The following PPP3CA variants were observed in gnomAD, a reference collection of about 807,000 sequenced individuals.
The protein encoded by PPP3CA is CAM-PRP catalytic subunit.
PPP3CA carries 14 observed loss-of-function variants against 66.5 expected under a neutral mutation model. The observed-to-expected ratio is 0.21, with a 90% confidence interval of 0.14 to 0.33. The LOEUF (loss-of-function observed/expected upper bound fraction) is 0.33, where lower values mean the gene tolerates loss of function less well. PPP3CA is among the 10% of genes least tolerant of loss of function. PPP3CA has a pLI of 1.00. For synonymous variants in PPP3CA, 232 were observed against 226.2 expected (o/e 1.03, Z -0.23); for missense variants, 317 against 639.5 (o/e 0.50, Z 5.44).
rs551923846 is a variant in PPP3CA, at chr4:101,063,166, G to A, written c.1081+66C>T. 1.1e-3 allele frequency: 1,777 copies of A among 1,547,322 alleles called. 32 individuals are homozygous for A. In the South Asian group the frequency reaches 0.021, roughly 18 times the overall value. On this transcript the variant is annotated intron_variant, in intron 9 of 13. Coordinates refer to ENST00000394854, the MANE Select transcript of PPP3CA (RefSeq NM_000944.5). ...GGCCAAAGTTCTTCTCTTTCTGAGT[G>A]TTTAATCTCCTTTCCTTCCTTCCTA...
chr4:101,271,540 CAAAT>C (rs1727336614), intron 1 of PPP3CA, among the ~76,000 whole-genome samples: 1 of 152,104 alleles, frequency 6.6e-6, no homozygotes, highest in Non-Finnish European at 1.5e-5. Context: ...GAATAAAACA[CAAAT>C]AAAAAAGCAT....
intron 1 of PPP3CA, among the ~76,000 whole-genome samples, chr4:101,252,829 T>C (rs757335168): frequency 3.3e-5 from 5 of 152,148 alleles, no homozygotes; most frequent in Non-Finnish European, 7.4e-5. Context: ...TCTTATTTGA[T>C]AGACGGTTGC....
At chr4:101,230,860 C>G (rs1725938996) in intron 1 of PPP3CA, among the ~76,000 whole-genome samples, 1 of 151,770 alleles carries the variant, frequency 6.6e-6, no homozygotes, top group African/African-American at 2.4e-5. Context: ...TCTACTTTTC[C>G]TGAATACATC....
chr4:101,291,258 A>G (rs1369390435), intron 1 of PPP3CA, among the ~76,000 whole-genome samples: 4 of 152,220 alleles, frequency 2.6e-5, no homozygotes, highest in Non-Finnish European at 4.4e-5. Flanking sequence ...CTTTGGGGCC[A>G]ATTCTTCATT....
chr4:101,268,932 G>GC (rs1418013384), intron 1 of PPP3CA, among the ~76,000 whole-genome samples: 1 of 152,076 alleles, frequency 6.6e-6, no homozygotes, highest in African/African-American at 2.4e-5. Context: ...AATATCAGCT[G>GC]CCCAAAGTTT....
chr4:101,064,176 G>A (rs2110227306), intron 8 of PPP3CA, among the ~76,000 whole-genome samples: 1 of 151,992 alleles, frequency 6.6e-6, no homozygotes, highest in East Asian at 1.9e-4. Context: ...AGACAAATCT[G>A]CATGCTTCAT....
intron 10 of PPP3CA, among the ~76,000 whole-genome samples, chr4:101,053,890 G>A (rs1728116173): frequency 6.6e-6 from 1 of 151,928 alleles, no homozygotes; most frequent in South Asian, 2.1e-4. Context: ...TCTTGTCACT[G>A]CAACTTCAAG....
chr4:101,211,681 T>A (rs1725303906), intron 1 of PPP3CA, among the ~76,000 whole-genome samples: 1 of 152,156 alleles, frequency 6.6e-6, no homozygotes, highest in South Asian at 2.1e-4. Flanking sequence ...GAGCTTGGGT[T>A]CTACACAAAA....
chr4:101,253,941 C>T (rs945606389), intron 1 of PPP3CA, among the ~76,000 whole-genome samples: 3 of 152,028 alleles, frequency 2.0e-5, no homozygotes, highest in Non-Finnish European at 2.9e-5. Flanking sequence ...CAGGAAGTCA[C>T]TTGAACTCTG....
chr4:101,032,778 C>A (rs904868452), intron 11 of PPP3CA, among the ~76,000 whole-genome samples: 2 of 151,294 alleles, frequency 1.3e-5, no homozygotes, highest in African/African-American at 4.9e-5. Context: ...TTTGATTTGA[C>A]GGAATAAAAA....
chr4:101,084,660 A>C (rs1399953330), intron 6 of PPP3CA, among the ~76,000 whole-genome samples: 1 of 152,092 alleles, frequency 6.6e-6, no homozygotes, highest in Non-Finnish European at 1.5e-5. Flanking sequence ...AAAAAAAGAA[A>C]GATAACATAC....
intron 11 of PPP3CA, among the ~76,000 whole-genome samples, chr4:101,035,973 G>A (rs571722912): frequency 3.9e-5 from 6 of 151,986 alleles, no homozygotes; most frequent in Non-Finnish European, 7.4e-5. Flanking sequence ...CTCCAGATCC[G>A]TGCTTTCTAA....
chr4:101,279,335 G>A (rs1363203582), intron 1 of PPP3CA, among the ~76,000 whole-genome samples: 1 of 152,104 alleles, frequency 6.6e-6, no homozygotes, highest in Admixed American at 6.5e-5. Flanking sequence ...AGGATCTAAG[G>A]AATGACATTT....
intron 1 of PPP3CA, among the ~76,000 whole-genome samples, chr4:101,324,527 C>A (rs1305869966): frequency 2.6e-5 from 4 of 152,156 alleles, no homozygotes; most frequent in Non-Finnish European, 4.4e-5. Context: ...AGCAGCCATG[C>A]ACAAACAGAA....
In PPP3CA at chr4:101,325,897, G is replaced by T. The variant is rs565962665; in HGVS notation, c.58+20842C>A. On this transcript the variant is annotated intron_variant, in intron 1 of 13. Coordinates refer to ENST00000394854, the MANE Select transcript of PPP3CA (RefSeq NM_000944.5). The stretch of plus-strand genomic sequence containing the variant: ...AAAGAAGAGTAATCCTAGCACTTTG[G>T]GGGGCTGAGGTTAGGCGGATCACTT... Among the ~76,000 whole-genome samples the T allele has an allele frequency of 7.0e-4, 107 of 152,278 alleles. 3 individuals are homozygous for T. The South Asian group carries it at 0.022, about 31-fold the overall frequency.
At chr4:101,224,886 T>G (rs1341231307) in intron 1 of PPP3CA, among the ~76,000 whole-genome samples, 2 of 151,734 alleles carry the variant, frequency 1.3e-5, no homozygotes, top group African/African-American at 4.8e-5. Flanking sequence ...CACAAGGTAT[T>G]CTATGATCTT....
intron 3 of PPP3CA, among the ~76,000 whole-genome samples, chr4:101,102,598 G>C (rs1730496535): frequency 6.6e-6 from 1 of 152,032 alleles, no homozygotes; most frequent in African/African-American, 2.4e-5. Context: ...GAGCTGCCAA[G>C]TACAACACTG....
intron 8 of PPP3CA, among the ~76,000 whole-genome samples, chr4:101,064,666 T>G (rs1445452712): frequency 6.6e-6 from 1 of 152,066 alleles, no homozygotes; most frequent in Non-Finnish European, 1.5e-5. Context: ...TTTATCCCCT[T>G]TCGCCCTCTT....
At chr4:101,311,990 T>C (rs1728737090) in intron 1 of PPP3CA, among the ~76,000 whole-genome samples, 1 of 152,206 alleles carries the variant, frequency 6.6e-6, no homozygotes, top group Admixed American at 6.5e-5. Context: ...TGTATCACTA[T>C]GTATCATTTA....
Sources: gnomAD v4.1 joint callset for allele counts (sites outside exome capture counted in the v4.1 genomes callset) on GRCh38, gnomAD v4.1.1 for gene constraint, MANE v1.5 for transcripts, NCBI Gene and HGNC (gene_info 2026-07-23, HGNC 2026-07-21) for gene names.